Variants in SLC16A5 observed in about 807,000 individuals in gnomAD.
SLC16A5 encodes solute carrier family 16 member 5.
Under a neutral mutation model 33.2 loss-of-function variants are expected in SLC16A5, and 29 were observed. That is an observed-to-expected ratio of 0.87 (90% CI 0.65 to 1.19). The LOEUF (loss-of-function observed/expected upper bound fraction) is 1.19. Ranked by LOEUF, SLC16A5 falls within the 50% of genes most tolerant of loss-of-function variation. The pLI, the probability that SLC16A5 is intolerant of heterozygous loss-of-function variation, is 0.00. For synonymous variants in SLC16A5, 248 were observed against 284.1 expected, an observed-to-expected ratio of 0.87 and a Z score of 1.28; for missense variants, 606 against 678.2, an observed-to-expected ratio of 0.89 and a Z score of 1.18.
chr17:75,105,304 C>T (rs546696132), intron 6 of SLC16A5: 4 of 985,258 alleles, frequency 4.1e-6, no homozygotes, highest in Non-Finnish European at 4.8e-6. Flanking sequence ...GTCTCCTTGG[C>T]GGGGAGGATT....
intron 3 of SLC16A5, among the ~76,000 whole-genome samples, chr17:75,094,997 G>C (rs972914379): frequency 6.6e-6 from 1 of 151,810 alleles, no homozygotes; most frequent in Non-Finnish European, 1.5e-5. Flanking sequence ...CAGAGACCCC[G>C]GCCTCGGAGG....
chr17:75,096,442 C>G (rs2073719236), intron 3 of SLC16A5, among the ~76,000 whole-genome samples: 1 of 151,406 alleles, frequency 6.6e-6, no homozygotes, highest in Non-Finnish European at 1.5e-5. Flanking sequence ...AGCCACCTCC[C>G]CCTCTACAGG....
At chr17:75,094,017 C>A (rs890825604) in intron 3 of SLC16A5, among the ~76,000 whole-genome samples, 182 bp downstream of exon 3, 1 of 152,180 alleles carries the variant, frequency 6.6e-6, no homozygotes, top group Non-Finnish European at 1.5e-5. Context: ...TGGGCTGGAG[C>A]CGGGGAGAGA....
intron 2 of SLC16A5, chr17:75,090,471 T>C (rs1462610750): frequency 6.6e-6 from 1 of 150,624 alleles, no homozygotes; most frequent in Non-Finnish European, 1.5e-5. Context: ...TCTTTTTTTT[T>C]TTTTTTGAGA....
chr17:75,109,508 C>T (rs563514592), downstream of SLC16A5, among the ~76,000 whole-genome samples: 1 of 152,318 alleles, frequency 6.6e-6, no homozygotes, highest in South Asian at 2.1e-4. This position sits in a 1 kb window ranked among gnomAD's most constrained non-coding sequence, Gnocchi z 5.0. Flanking sequence ...TCGACGTCCT[C>T]CAACATGGGT....
At chr17:75,090,755 G>A (rs1213409228) in intron 2 of SLC16A5, among the ~76,000 whole-genome samples, 1 of 152,106 alleles carries the variant, frequency 6.6e-6, no homozygotes, top group East Asian at 1.9e-4. Context: ...CACCGCACCC[G>A]GCCTGGCAGC....
At chr17:75,103,198 G>A (rs1297895550) in intron 5 of SLC16A5, among the ~76,000 whole-genome samples, 1 of 151,612 alleles carries the variant, frequency 6.6e-6, no homozygotes. Context: ...CTTAGTTTTT[G>A]TATTTTTAGT....
rs377019819 is a variant in SLC16A5 at position 75,095,071 on chromosome 17, C to T, written c.199+1236C>T. On this transcript the variant is annotated intron_variant, in intron 3 of 6. Coordinates refer to ENST00000329783, the MANE Select transcript of SLC16A5 (RefSeq NM_004695.4). ...CCTCTGCAGGCGTGTGTCTGCTGGC[C>T]GCAGCTGCCCATCTCCCCGGCTACC... is the stretch of plus-strand genomic sequence containing the variant. Among the ~76,000 whole-genome samples, 71 of 152,322 alleles carry T rather than the reference C, an allele frequency of 4.7e-4. No homozygotes were observed. The South Asian group carries it at 0.013, about 29-fold the overall frequency.
chr17:75,101,751 C>T (rs1239799044), intron 5 of SLC16A5, among the ~76,000 whole-genome samples: 2 of 151,872 alleles, frequency 1.3e-5, no homozygotes, highest in African/African-American at 2.4e-5. Flanking sequence ...CTTCCCACCT[C>T]AGCCCCCCAA....
At chr17:75,090,387 T>C (rs1453934627) in intron 2 of SLC16A5, 1 of 151,976 alleles carries the variant, frequency 6.6e-6, no homozygotes, top group Non-Finnish European at 1.5e-5. Context: ...AGGCCATGTC[T>C]GCAGTGGGGG....
rs1260721668 is a variant in SLC16A5, at chr17:75,100,213, A to G, written c.550A>G (p.Ile184Val). The change falls in exon 5 of 7, where the codon ATC (isoleucine) becomes GTC (valine). Residue 184 changes from isoleucine to valine, a missense_variant. Transcript: ENST00000329783. ...VFGGIFLHCC[I>V]CGAIIRPVAT... The stretch of plus-strand genomic sequence containing the variant: ...CGGCGGGATCTTTCTCCACTGCTGC[A>G]TCTGCGGGGCCATCATAAGGCCTGT... The G allele has an allele frequency of 6.2e-7, 1 of 1,614,090 alleles. No individual in the cohort carries two copies. The highest frequency in any genetic ancestry group is 8.5e-7 in the Non-Finnish European group (1 of 1,180,046).
chr17:75,090,544 T>C (rs2144984375), intron 2 of SLC16A5, among the ~76,000 whole-genome samples: 2 of 148,974 alleles, frequency 1.3e-5, no homozygotes, highest in Middle Eastern at 3.4e-3. Flanking sequence ...CACCATAACC[T>C]CCGCCTCCCG....
At chr17:75,109,703 G>A (rs1356840400), downstream of SLC16A5, among the ~76,000 whole-genome samples, 1 of 152,210 alleles carries the variant, frequency 6.6e-6, no homozygotes, top group Admixed American at 6.5e-5. The surrounding 1 kb of genome is among the most constrained non-coding windows in gnomAD (Gnocchi z 5.0). Context: ...CTGTTGGCGG[G>A]GGCGGCAAGT....
At chr17:75,109,662 G>C (rs934707304), downstream of SLC16A5, among the ~76,000 whole-genome samples, 1 of 152,210 alleles carries the variant, frequency 6.6e-6, no homozygotes, top group Non-Finnish European at 1.5e-5. The surrounding 1 kb of genome is among the most constrained non-coding windows in gnomAD (Gnocchi z 5.0). Flanking sequence ...AGGTGGGGCG[G>C]GAAAGCCGAG....
chr17:75,103,970 G>T lies in SLC16A5; in HGVS notation c.1154G>T (p.Gly385Val). ...GCCTAACTTGATCTCTGTTCCCCAGGGTTGCTCCTGGACGCCACCAACAAC... is the reference window on the plus strand; with the variant it reads ...GCCTAACTTGATCTCTGTTCCCCAGTGTTGCTCCTGGACGCCACCAACAAC... ...LAFLISPPLA[G>V]LLLDATNNFS... Residue 385 changes from glycine (G) to valine (V), a missense_variant and splice_region_variant, in exon 6 of 7, where the codon GGG (glycine) becomes GTG (valine). Gly to Val is a moderately radical substitution (Grantham distance 109). Coordinates refer to ENST00000329783, the MANE Select transcript of SLC16A5 (RefSeq NM_004695.4). 2 of 1,613,798 alleles carry T rather than the reference G, an allele frequency of 1.2e-6. No individual in the cohort carries two copies. The highest frequency in any genetic ancestry group is 1.7e-6 in the Non-Finnish European group (2 of 1,179,762).
chr17:75,101,256 A>G (rs1365794412), intron 5 of SLC16A5, among the ~76,000 whole-genome samples: 1 of 135,112 alleles, frequency 7.4e-6, no homozygotes, highest in Non-Finnish European at 1.6e-5. Flanking sequence ...CTCAAAAAGA[A>G]AAAAAAAAAA....
intron 4 of SLC16A5, among the ~76,000 whole-genome samples, chr17:75,098,845 C>G (rs1014241790): frequency 2.0e-5 from 3 of 152,034 alleles, no homozygotes; most frequent in Non-Finnish European, 4.4e-5. Context: ...GGGACAGCCA[C>G]TGGGGGAATG....
At chr17:75,098,400 T>TA (rs1030830392) in intron 4 of SLC16A5, among the ~76,000 whole-genome samples, 1 of 151,356 alleles carries the variant, frequency 6.6e-6, no homozygotes, top group African/African-American at 2.4e-5. Flanking sequence ...CTGTCTATAC[T>TA]AAAAAAAATA....
chr17:75,098,803 C>A (rs192688435), intron 4 of SLC16A5, among the ~76,000 whole-genome samples: 2 of 152,108 alleles, frequency 1.3e-5, no homozygotes, highest in Non-Finnish European at 2.9e-5. Context: ...AGAGGGGTGC[C>A]TCTGAGTGGA....
Sources: gnomAD v4.1 joint callset for allele counts (sites outside exome capture counted in the v4.1 genomes callset) on GRCh38, gnomAD v4.1.1 for gene constraint, Gnocchi (gnomAD v3.1) non-coding constraint, MANE v1.5 for transcripts, NCBI Gene and HGNC (gene_info 2026-07-23, HGNC 2026-07-21) for gene names.